The following PHF20 variants were observed in gnomAD, a reference collection of about 807,000 sequenced individuals.
PHF20 encodes the protein PHD finger protein 20, also known as glioma-expressed antigen 2.
A neutral mutation model predicts 113.5 loss-of-function variants in PHF20; 23 were observed. The observed-to-expected ratio is 0.20, with a 90% CI of 0.15 to 0.29. PHF20 has a LOEUF of 0.29. Ranked by LOEUF, PHF20 falls within the 10% of genes least tolerant of loss-of-function variation. The pLI is 1.00. For missense variants in PHF20, 943 were observed against 1,219.6 expected (o/e 0.77, Z 3.38); for synonymous variants, 434 against 457.3 (o/e 0.95, Z 0.65).
At chr20:35,851,530 T>A (rs1353817711) in intron 4 of PHF20, among the ~76,000 whole-genome samples, 1 of 152,168 alleles carries the variant, frequency 6.6e-6, no homozygotes, top group Non-Finnish European at 1.5e-5. Context: ...AGGTGCTAGC[T>A]TGGCTGTTTT....
At chr20:35,848,371 G>A (rs1473435652) in intron 4 of PHF20, among the ~76,000 whole-genome samples, 1 of 151,792 alleles carries the variant, frequency 6.6e-6, no homozygotes. Context: ...GAGTTCAAGC[G>A]ATTCTCCTGC....
intron 4 of PHF20, among the ~76,000 whole-genome samples, chr20:35,854,497 A>G (rs2042794626): frequency 6.6e-6 from 1 of 152,208 alleles, no homozygotes. Context: ...ATGTGAAGAC[A>G]ATCTTTTAGT....
chr20:35,893,856 TCTGC>T (rs2054926239), intron 9 of PHF20, among the ~76,000 whole-genome samples: 1 of 152,236 alleles, frequency 6.6e-6, no homozygotes, highest in South Asian at 2.1e-4. Context: ...CCTCAGGTGA[TCTGC>T]CTGCCTTGGC....
At chr20:35,872,122 T>C (rs1334385912) in intron 9 of PHF20, among the ~76,000 whole-genome samples, 1 of 152,148 alleles carries the variant, frequency 6.6e-6, no homozygotes, top group Non-Finnish European at 1.5e-5. Context: ...CTTGCTTTCT[T>C]CCTTCAATTT....
chr20:35,774,292 C>G (rs1452119029), intron 1 of PHF20, among the ~76,000 whole-genome samples: 1 of 152,036 alleles, frequency 6.6e-6, no homozygotes, highest in South Asian at 2.1e-4. Flanking sequence ...ACTGTGGTCT[C>G]GATCTCCTGA....
At chr20:35,872,631 C>T (rs777747895) in intron 9 of PHF20, among the ~76,000 whole-genome samples, 4 of 152,066 alleles carry the variant, frequency 2.6e-5, no homozygotes, top group Non-Finnish European at 5.9e-5. Flanking sequence ...TTTAATATAT[C>T]TTGTGATTTA....
chr20:35,913,394 T>TG, intron 11 of PHF20, 47 bp downstream of exon 11: 1 of 1,311,610 alleles, frequency 7.6e-7, no homozygotes, highest in South Asian at 1.2e-5. Flanking sequence ...TTACTATGAA[T>TG]GGGGAGGGGT....
chr20:35,808,291 T>C (rs1182260013), intron 2 of PHF20, among the ~76,000 whole-genome samples: 1 of 152,148 alleles, frequency 6.6e-6, no homozygotes, highest in South Asian at 2.1e-4. Flanking sequence ...GTTCATTGAC[T>C]AGGATCATAG....
chr20:35,925,837 C>T (rs2055618356), intron 13 of PHF20, among the ~76,000 whole-genome samples: 1 of 151,614 alleles, frequency 6.6e-6, no homozygotes, highest in Non-Finnish European at 1.5e-5. Flanking sequence ...AAAAAGTTAT[C>T]ATTGGCCAGG....
chr20:35,933,387 C>T (rs944217080), intron 15 of PHF20, among the ~76,000 whole-genome samples: 1 of 151,744 alleles, frequency 6.6e-6, no homozygotes, highest in Non-Finnish European at 1.5e-5. Context: ...CACATGCCAC[C>T]ACACCTGGAT....
intron 1 of PHF20, among the ~76,000 whole-genome samples, chr20:35,773,797 T>TC (rs2041114608): frequency 6.6e-6 from 1 of 152,186 alleles, no homozygotes; most frequent in African/African-American, 2.4e-5. Flanking sequence ...GGACTCTGAA[T>TC]CCTCCTGGTG....
chr20:35,772,416 G>A (rs2041079072), intron 1 of PHF20, among the ~76,000 whole-genome samples: 2 of 152,176 alleles, frequency 1.3e-5, no homozygotes, highest in South Asian at 2.1e-4. Context: ...GTAAGCCCTA[G>A]GGCCCGAGCC....
chr20:35,941,119 C>A, intron 17 of PHF20, 72 bp downstream of exon 17: 1 of 1,281,802 alleles, frequency 7.8e-7, no homozygotes, highest in Non-Finnish European at 1.1e-6. Flanking sequence ...GCTTTCTGAA[C>A]CCCCCAGTCT....
intron 15 of PHF20, 48 bp from the exon 16 acceptor site, chr20:35,938,649 A>G (rs2055913312): frequency 2.0e-6 from 3 of 1,531,826 alleles, no homozygotes; most frequent in South Asian, 1.3e-5. Flanking sequence ...AACCCCTGCA[A>G]TGGTGCCAGT....
chr20:35,892,506 G>A (rs1316030009), intron 9 of PHF20, among the ~76,000 whole-genome samples: 1 of 152,026 alleles, frequency 6.6e-6, no homozygotes, highest in Non-Finnish European at 1.5e-5. Flanking sequence ...ACCACGTCTG[G>A]CCTTTTTTGT....
chr20:35,919,828 T>C (rs1343852590), intron 13 of PHF20, among the ~76,000 whole-genome samples: 1 of 152,246 alleles, frequency 6.6e-6, no homozygotes, highest in East Asian at 1.9e-4. Context: ...GAAATAATTA[T>C]AGATTCACAG....
intron 2 of PHF20, among the ~76,000 whole-genome samples, chr20:35,817,806 A>G (rs4911184): frequency 1.3e-5 from 2 of 152,014 alleles, no homozygotes; most frequent in East Asian, 3.9e-4. Flanking sequence ...AAAAAAATTT[A>G]AAAAATAAAA....
In PHF20 at chr20:35,949,053, A is replaced by G. The variant is rs1420272037; in HGVS notation, c.*1426A>G. The G allele has an allele frequency of 6.5e-6, 1 of 152,676 alleles. No individual in the cohort carries two copies. Among genetic ancestry groups the G allele is most frequent in the East Asian group, 1.9e-4 (1 of 5,206 alleles). The allele number at this position is 152,676 out of a possible 1,614,324, so 9.5% of individuals were successfully genotyped here. The stretch of plus-strand genomic sequence containing the variant: ...AATTCAGGCCTCTGTACTAAAATCT[A>G]TTTCAGGGAATGTTCTGTCTAGTGA... On this transcript the variant is annotated 3_prime_UTR_variant, in exon 18 of 18. Coordinates refer to ENST00000374012, the MANE Select transcript of PHF20 (RefSeq NM_016436.5).
intron 14 of PHF20, among the ~76,000 whole-genome samples, chr20:35,929,581 G>A (rs1486974727): frequency 6.6e-6 from 1 of 152,252 alleles, no homozygotes; most frequent in Non-Finnish European, 1.5e-5. Context: ...AGCTGCCTCT[G>A]GGGTTCCCCC....
Sources: allele counts gnomAD v4.1 joint callset (sites outside exome capture counted in the v4.1 genomes callset), GRCh38; gene constraint gnomAD v4.1.1; transcripts MANE v1.5; gene names NCBI Gene and HGNC (gene_info 2026-07-23, HGNC 2026-07-21).